TENM3: variants seen among roughly 807,000 people sequenced by gnomAD.
TENM3 encodes teneurin-3.
Under a neutral mutation model 255.1 loss-of-function variants are expected in TENM3, and 63 were observed. The ratio of observed to expected loss-of-function variants is 0.25; its 90% confidence interval spans 0.20 to 0.30. TENM3 has a LOEUF of 0.30. TENM3 is among the 10% of genes least tolerant of loss of function. TENM3 has a pLI of 1.00. For missense variants in TENM3, 2,929 were observed against 3,461.1 expected (o/e 0.85, Z 3.86); for synonymous variants, 1,306 against 1,322.3 (o/e 0.99, Z 0.27).
At chr4:182,148,596 A>C (rs1392198171) in intron 1 of TENM3, among the ~76,000 whole-genome samples, 2 of 152,036 alleles carry the variant, frequency 1.3e-5, no homozygotes, top group Non-Finnish European at 2.9e-5. Context: ...TTGTATTAAC[A>C]TTCTAGTTCA....
At chr4:181,609,751 A>T in the TENM3 span, among the ~76,000 whole-genome samples, 3 of 152,256 alleles carry the variant, frequency 2.0e-5, no homozygotes, top group Non-Finnish European at 2.9e-5. Flanking sequence ...GTATCTGGTC[A>T]TATATTATTT....
At chr4:182,661,769 G>A (rs1003274877) in intron 6 of TENM3, among the ~76,000 whole-genome samples, 17 of 152,122 alleles carry the variant, frequency 1.1e-4, no homozygotes, top group East Asian at 9.6e-4. Context: ...GCTTCCTGAC[G>A]TCTTAATTAT....
chr4:182,618,841 A>G (rs1265766814), intron 4 of TENM3, among the ~76,000 whole-genome samples: 1 of 152,202 alleles, frequency 6.6e-6, no homozygotes, highest in Non-Finnish European at 1.5e-5. Flanking sequence ...AAGTTGAGGT[A>G]TAAGAACACA....
chr4:182,401,234 T>C (rs533925622), intron 3 of TENM3, among the ~76,000 whole-genome samples: 1 of 152,234 alleles, frequency 6.6e-6, no homozygotes, highest in East Asian at 1.9e-4. Context: ...CATCCTTTAA[T>C]TTTTTTCCCA....
chr4:182,238,455 C>T (rs988947632), upstream of TENM3, among the ~76,000 whole-genome samples: 9 of 152,172 alleles, frequency 5.9e-5, no homozygotes, highest in Non-Finnish European at 2.9e-5. Context: ...CCCTATCCAC[C>T]CAGCCTCTAT....
At chr4:181,476,497 C>A in the TENM3 span, among the ~76,000 whole-genome samples, 1 of 152,066 alleles carries the variant, frequency 6.6e-6, no homozygotes, top group Non-Finnish European at 1.5e-5. Flanking sequence ...CTGAAAGTAG[C>A]ATCTGGTAGG....
chr4:181,469,230 A>G, the TENM3 span, among the ~76,000 whole-genome samples: 1 of 152,138 alleles, frequency 6.6e-6, no homozygotes, highest in South Asian at 2.1e-4. Context: ...TCATATTTAA[A>G]CTGAAATAAA....
rs1176668938 is a variant in TENM3 at position 182,628,763 on chromosome 4, A to G, written c.862A>G (p.Arg288Gly). The change falls in exon 5 of 28, where the codon AGA becomes GGA. Residue 288 changes from arginine to glycine, a missense_variant. Physicochemically the swap from Arg to Gly is moderately radical, Grantham distance 125. Coordinates refer to ENST00000511685, the MANE Select transcript of TENM3 (RefSeq NM_001080477.4). ...VYSPPTRPLP[R>G]NTLSRSAFKF... is the part of the protein sequence containing the mutation. ...TTCACCACCTACTCGGCCACTACCT[A>G]GAAACACCCTATCAAGAAGTGCTTT... The G allele has an allele frequency of 6.2e-7, 1 of 1,610,170 alleles. No individual in the cohort carries two copies. Among genetic ancestry groups the G allele is most frequent in the South Asian group, 1.1e-5 (1 of 90,026 alleles).
At chr4:181,751,883 G>C in the TENM3 span, among the ~76,000 whole-genome samples, 1 of 152,164 alleles carries the variant, frequency 6.6e-6, no homozygotes, top group Admixed American at 6.6e-5. Flanking sequence ...GAACAGAAAA[G>C]AAGGCACAGA....
At chr4:182,178,827 A>G (rs895266349) in intron 1 of TENM3, among the ~76,000 whole-genome samples, 3 of 152,336 alleles carry the variant, frequency 2.0e-5, no homozygotes, top group Non-Finnish European at 2.9e-5. Context: ...TAATGTTTGT[A>G]TATCAGCTTC....
the TENM3 span, among the ~76,000 whole-genome samples, chr4:182,070,472 T>C: frequency 0.71 from 108,261 of 151,632 alleles, 39,384 homozygotes; most frequent in East Asian, 0.87. Flanking sequence ...ACAAAATTAG[T>C]TGGGTGTAGC....
chr4:181,687,224 C>T, the TENM3 span, among the ~76,000 whole-genome samples: 1 of 152,102 alleles, frequency 6.6e-6, no homozygotes, highest in African/African-American at 2.4e-5. Flanking sequence ...AGTAGAAAGA[C>T]ATTAGGCCAG....
the TENM3 span, among the ~76,000 whole-genome samples, chr4:182,088,407 A>G: frequency 6.6e-6 from 1 of 152,174 alleles, no homozygotes; most frequent in Non-Finnish European, 1.5e-5. Context: ...GCAGGAAGGC[A>G]GATAAAGTGG....
chr4:182,555,185 G>A (rs1368454742), intron 3 of TENM3, among the ~76,000 whole-genome samples: 1 of 152,106 alleles, frequency 6.6e-6, no homozygotes, highest in African/African-American at 2.4e-5. Context: ...AAGGAGGCAA[G>A]CGAGTCCAAA....
chr4:182,396,215 C>G (rs1768797493), intron 3 of TENM3, among the ~76,000 whole-genome samples: 1 of 152,208 alleles, frequency 6.6e-6, no homozygotes. Context: ...GCATTCATCT[C>G]TGGCTTCCTT....
chr4:182,302,449 C>G (rs1027934417), intron 1 of TENM3, among the ~76,000 whole-genome samples: 1 of 152,124 alleles, frequency 6.6e-6, no homozygotes, highest in African/African-American at 2.4e-5. Context: ...GTTCAACAGA[C>G]GGATCTACTT....
chr4:182,169,859 A>T (rs1052363652), intron 1 of TENM3, among the ~76,000 whole-genome samples: 3 of 152,068 alleles, frequency 2.0e-5, no homozygotes, highest in African/African-American at 7.2e-5. Context: ...AATACATCTG[A>T]GGATTCAACT....
At chr4:182,009,242 A>G in the TENM3 span, among the ~76,000 whole-genome samples, 2 of 152,064 alleles carry the variant, frequency 1.3e-5, no homozygotes, top group Non-Finnish European at 2.9e-5. Flanking sequence ...GACCTGTTTA[A>G]TGAAGCACTT....
the TENM3 span, among the ~76,000 whole-genome samples, chr4:181,579,979 ATTTTATTTTATTTTATTTTATTTTATTT>A: frequency 1.2e-3 from 142 of 115,942 alleles, no homozygotes; most frequent in African/African-American, 5.8e-3. Context: ...ATTTTATTTT[ATTTTATTTTATTTTATTTTATTTTATTT>A]ATTTTTTGAG....
Sources: allele counts gnomAD v4.1 joint callset (sites outside exome capture counted in the v4.1 genomes callset), GRCh38; gene constraint gnomAD v4.1.1; transcripts MANE v1.5; gene names NCBI Gene and HGNC (gene_info 2026-07-23, HGNC 2026-07-21).